CDH2: variants seen among roughly 807,000 people sequenced by gnomAD.
CDH2 encodes cadherin-2.
In CDH2, 17 loss-of-function variants were observed where a neutral mutation model predicts 92.0. The ratio of observed to expected loss-of-function variants is 0.18; its 90% CI spans 0.13 to 0.28. The LOEUF (loss-of-function observed/expected upper bound fraction) is 0.28. CDH2 is among the 10% of genes least tolerant of loss of function. CDH2 has a pLI of 1.00. For synonymous variants in CDH2, 419 were observed against 415.9 expected (o/e 1.01, Z -0.09); for missense variants, 862 against 1,133.1 (o/e 0.76, Z 3.44).
At position 28,134,374 on chromosome 18, in the gene CDH2, A is replaced by G. The variant is rs142691721; in HGVS notation, c.172+13299T>C. On this transcript the variant is annotated intron_variant, in intron 2 of 15. Coordinates refer to ENST00000269141, the MANE Select transcript of CDH2 (RefSeq NM_001792.5). ...CCCTTCCCCCAGCCTTTCCCCCACA[A>G]AAAAGAACTAAAAATTGCTCAGAAC... Among the ~76,000 whole-genome samples, 324 of 152,216 alleles carry G rather than the reference A, an allele frequency of 2.1e-3. 3 individuals carry two copies. Among genetic ancestry groups the G allele is most frequent in the African/African-American group, 7.5e-3 (311 of 41,538 alleles).
intron 2 of CDH2, among the ~76,000 whole-genome samples, chr18:28,120,665 G>T (rs1357464392): frequency 1.3e-5 from 2 of 151,888 alleles, no homozygotes; most frequent in Non-Finnish European, 2.9e-5. Flanking sequence ...GATATAAAAG[G>T]GAGGCATGAT....
chr18:28,055,849 T>C lies in CDH2; in HGVS notation c.173-41940A>G, dbSNP rs144473138. ...TATTTTTCTATGGGGAAGCCCCATATGTTGTTAGAAACTCTGAAATGTGTA... is the reference window on the plus strand; with the variant it reads ...TATTTTTCTATGGGGAAGCCCCATACGTTGTTAGAAACTCTGAAATGTGTA... On this transcript the variant is annotated intron_variant, in intron 2 of 15. Coordinates refer to ENST00000269141, the MANE Select transcript of CDH2 (RefSeq NM_001792.5). 7.7e-4 allele frequency among the ~76,000 whole-genome samples: 117 copies of C among 152,306 alleles called. 1 individual carries two copies. In the East Asian group the frequency reaches 0.016, roughly 21 times the overall value.
chr18:28,143,512 A>G (rs1405237428), intron 2 of CDH2, among the ~76,000 whole-genome samples: 1 of 151,914 alleles, frequency 6.6e-6, no homozygotes, highest in African/African-American at 2.4e-5. Context: ...AGTGACAATA[A>G]TTGAAAGATG....
In CDH2 at chr18:27,963,340, C is replaced by T. The variant is rs774738448; in HGVS notation, c.2514+17G>A. The T allele has an allele frequency of 5.6e-6, 9 of 1,611,680 alleles. No individual in the cohort carries two copies. The highest frequency in any genetic ancestry group is 3.3e-5 in the Admixed American group (2 of 59,968). The stretch of plus-strand genomic sequence containing the variant: ...GAAATGAAAACTCTTATAGAGAAAA[C>T]GAGTGTCTCTCTGTACCTCATTAAT... On this transcript the variant is annotated intron_variant, in intron 15 of 15. Coordinates refer to ENST00000269141, the MANE Select transcript of CDH2 (RefSeq NM_001792.5).
At chr18:28,140,784 AC>A (rs941694912) in intron 2 of CDH2, among the ~76,000 whole-genome samples, 1 of 151,224 alleles carries the variant, frequency 6.6e-6, no homozygotes. Flanking sequence ...ATATCTGACA[AC>A]GATCTAGTAT....
Position 28,009,756 on chromosome 18 carries a change from C to G in CDH2, c.663G>C (p.Val221=). 1 of 1,613,958 alleles carries G rather than the reference C, an allele frequency of 6.2e-7. No individual in the cohort carries two copies. The highest frequency in any genetic ancestry group is 1.1e-5 in the South Asian group (1 of 91,054). The change falls in exon 5 of 16, where the codon GTG becomes GTC. Residue 221 remains valine, a synonymous_variant. Transcript: ENST00000269141. ...TCTGCTCGCGATCCAGGGGCTTTGT[C>G]ACCGACAGCTGACCCGAGATGGGGT... ...IINPISGQLS[V]TKPLDREQIA... is the part of the protein sequence containing the mutation.
intron 1 of CDH2, among the ~76,000 whole-genome samples, chr18:28,150,143 T>C (rs2016098365): frequency 6.6e-6 from 1 of 152,188 alleles, no homozygotes; most frequent in Non-Finnish European, 1.5e-5. Flanking sequence ...ACCAACATGT[T>C]ACGAGTCTGC....
intron 15 of CDH2, among the ~76,000 whole-genome samples, chr18:27,962,840 C>G (rs2011443483): frequency 6.6e-6 from 1 of 152,174 alleles, no homozygotes; most frequent in African/African-American, 2.4e-5. Context: ...GCTCTTAAAA[C>G]TCCTCAACTA....
At chr18:28,152,424 C>T (rs980483295) in intron 1 of CDH2, among the ~76,000 whole-genome samples, 7 of 152,138 alleles carry the variant, frequency 4.6e-5, no homozygotes, top group Non-Finnish European at 8.8e-5. Flanking sequence ...TTAAGATATG[C>T]AGAGGATATG....
chr18:27,952,569 CA>C (rs1410975273), intron 15 of CDH2, among the ~76,000 whole-genome samples: 3 of 152,096 alleles, frequency 2.0e-5, no homozygotes, highest in Admixed American at 6.6e-5. Flanking sequence ...TGCAAAGAAA[CA>C]ACCCTAAGCA....
chr18:27,958,044 A>G (rs1457207866), intron 15 of CDH2, among the ~76,000 whole-genome samples: 1 of 152,218 alleles, frequency 6.6e-6, no homozygotes, highest in Admixed American at 6.5e-5. Flanking sequence ...TATGAAGCAC[A>G]TTACAAAGAT....
intron 14 of CDH2, among the ~76,000 whole-genome samples, chr18:27,972,986 T>C (rs559048589): frequency 6.6e-6 from 1 of 152,034 alleles, no homozygotes; most frequent in African/African-American, 2.4e-5. Flanking sequence ...AGTGTGAGAG[T>C]GTGGTACAGG....
chr18:28,073,005 G>A (rs951652199), intron 2 of CDH2, among the ~76,000 whole-genome samples: 6 of 151,950 alleles, frequency 3.9e-5, no homozygotes, highest in African/African-American at 1.4e-4. Flanking sequence ...AATACCAACT[G>A]TCAATAATGT....
chr18:27,936,136 A>G (rs1473259997), intron 6 of CDH2, among the ~76,000 whole-genome samples: 1 of 152,220 alleles, frequency 6.6e-6, no homozygotes, highest in Non-Finnish European at 1.5e-5. Flanking sequence ...GACTTACACT[A>G]ATGAACAATT....
At position 28,103,485 on chromosome 18, in the gene CDH2, A is replaced by G. The variant is rs868532923; in HGVS notation, c.172+44188T>C. On this transcript the variant is annotated intron_variant, in intron 2 of 15. Transcript: ENST00000269141. ...ACATAAAGTATGTATATATATACAC[A>G]CACACACACACACATATATACACAC... 5.8e-3 allele frequency among the ~76,000 whole-genome samples: 873 copies of G among 149,586 alleles called. 9 individuals carry two copies. Among genetic ancestry groups the G allele is most frequent in the African/African-American group, 0.019 (792 of 40,824 alleles).
chr18:28,084,393 G>A (rs1408424609), intron 2 of CDH2, among the ~76,000 whole-genome samples: 1 of 152,058 alleles, frequency 6.6e-6, no homozygotes, highest in Non-Finnish European at 1.5e-5. Context: ...AACAAAAATA[G>A]TTAAGAGTCA....
chr18:28,065,213 T>C lies in CDH2; in HGVS notation c.173-51304A>G, dbSNP rs867045508. On this transcript the variant is annotated intron_variant, in intron 2 of 15. Transcript: ENST00000269141. ...CAGAAACTCATTCACCAAGGGTTTT[T>C]ATCCCCTGTTGACATTTCATTGTTA... 2.0e-5 allele frequency among the ~76,000 whole-genome samples: 3 copies of C among 152,168 alleles called. No homozygotes were observed. The South Asian group carries it at 6.2e-4, about 32-fold the overall frequency.
At chr18:28,025,580 C>T (rs913032537) in intron 2 of CDH2, among the ~76,000 whole-genome samples, 1 of 149,972 alleles carries the variant, frequency 6.7e-6, no homozygotes, top group South Asian at 2.1e-4. Context: ...GTTTTCAGAG[C>T]AAGCCATAAG....
chr18:28,144,895 T>A (rs1413974482), intron 2 of CDH2, among the ~76,000 whole-genome samples: 1 of 152,114 alleles, frequency 6.6e-6, no homozygotes, highest in East Asian at 1.9e-4. Flanking sequence ...GTTATTTTGA[T>A]AAAATTCATT....
Sources: allele counts gnomAD v4.1 joint callset (sites outside exome capture counted in the v4.1 genomes callset), GRCh38; gene constraint gnomAD v4.1.1; transcripts MANE v1.5; gene names NCBI Gene and HGNC (gene_info 2026-07-23, HGNC 2026-07-21).